Variants in UBAP2L observed in about 807,000 individuals in gnomAD.
UBAP2L encodes the protein ubiquitin-associated protein 2-like.
A neutral mutation model predicts 130.6 loss-of-function variants in UBAP2L; 12 were observed. The ratio of observed to expected loss-of-function variants is 0.09; its 90% CI spans 0.06 to 0.15. The LOEUF (loss-of-function observed/expected upper bound fraction) is 0.15. Among genes scored for constraint, UBAP2L ranks in the 10% least tolerant of loss-of-function variants. The probability of loss-of-function intolerance (pLI) is 1.00; values close to 1 mark genes in which losing one functional copy is unlikely to be tolerated. For missense variants in UBAP2L, 965 were observed against 1,332.5 expected, an observed-to-expected ratio of 0.72 and a Z score of 4.29; for synonymous variants, 503 against 524.7, an observed-to-expected ratio of 0.96 and a Z score of 0.57.
rs755332279 is a variant in UBAP2L, at chr1:154,253,883, C to G, written c.1665-17C>G. ...TCTATTTTGTTTCTCTGAGATTTTT[C>G]TCTTCGTTACTCACAGTGAATCATC... On this transcript the variant is annotated splice_polypyrimidine_tract_variant and intron_variant, in intron 14 of 26. Transcript: ENST00000428931. 6.2e-7 allele frequency: 1 copy of G among 1,612,346 alleles called. No homozygotes were observed. The highest frequency in any genetic ancestry group is 1.7e-5 in the Admixed American group (1 of 59,740).
intron 2 of UBAP2L, among the ~76,000 whole-genome samples, chr1:154,225,914 A>T (rs956433702): frequency 6.6e-6 from 1 of 152,196 alleles, no homozygotes; most frequent in African/African-American, 2.4e-5. Context: ...TCCAGGTTCA[A>T]GCAATTCTCC....
intron 4 of UBAP2L, among the ~76,000 whole-genome samples, chr1:154,232,160 C>T (rs1024266550): frequency 3.3e-5 from 5 of 152,208 alleles, no homozygotes; most frequent in Admixed American, 1.3e-4. Context: ...AACCCCATCT[C>T]TACTAAAAAT....
At chr1:154,258,655 G>T (rs2148986915) in intron 20 of UBAP2L, 1 of 200,186 alleles carries the variant, frequency 5.0e-6, no homozygotes, top group South Asian at 9.8e-5. Flanking sequence ...ATTTTGAAGA[G>T]TATAAGAGAC....
chr1:154,270,363 G>A lies in UBAP2L; in HGVS notation c.*68G>A, dbSNP rs748761320. 1.2e-6 allele frequency: 2 copies of A among 1,604,924 alleles called. No homozygotes were observed. The highest frequency in any genetic ancestry group is 1.3e-5 in the African/African-American group (1 of 74,720). On this transcript the variant is annotated 3_prime_UTR_variant, in exon 27 of 27. Coordinates refer to ENST00000428931, the MANE Select transcript of UBAP2L (RefSeq NM_014847.4). ...TCTCAGCCTGGAAACTATGGAAACA[G>A]CATCAAAGAGAAAGGAATGTGGGGG...
At chr1:154,261,968 G>A (rs962373907) in intron 24 of UBAP2L, among the ~76,000 whole-genome samples, 3 of 152,164 alleles carry the variant, frequency 2.0e-5, no homozygotes, top group African/African-American at 7.2e-5. Flanking sequence ...AAGTGTGGGT[G>A]GAAGTAGGGC....
intron 26 of UBAP2L, chr1:154,269,307 G>A: frequency 7.4e-7 from 1 of 1,352,756 alleles, no homozygotes; most frequent in Non-Finnish European, 9.9e-7. Context: ...TAATGGTGGA[G>A]TTCTATTGTC....
intron 1 of UBAP2L, among the ~76,000 whole-genome samples, chr1:154,223,984 CCT>C (rs780507627): frequency 6.6e-5 from 10 of 152,046 alleles, no homozygotes; most frequent in Non-Finnish European, 1.3e-4. Context: ...TGCAGAGTAA[CCT>C]ATTATTTTGA....
chr1:154,257,460 C>T (rs1227834354), intron 20 of UBAP2L, 26 bp downstream of exon 20: 2 of 1,610,798 alleles, frequency 1.2e-6, no homozygotes, highest in South Asian at 2.2e-5. Context: ...GGATCTTCTT[C>T]AAAAGGTGAG....
intron 4 of UBAP2L, among the ~76,000 whole-genome samples, chr1:154,232,247 C>G (rs1331356136): frequency 6.6e-6 from 1 of 151,660 alleles, no homozygotes; most frequent in Non-Finnish European, 1.5e-5. Context: ...TCACTTCAAC[C>G]TGGGAGGCGG....
chr1:154,223,022 C>A (rs1221842412), intron 1 of UBAP2L, among the ~76,000 whole-genome samples: 2 of 152,164 alleles, frequency 1.3e-5, no homozygotes, highest in Non-Finnish European at 2.9e-5. Context: ...AGTGTGATAG[C>A]TGGGAATGGG....
intron 24 of UBAP2L, among the ~76,000 whole-genome samples, chr1:154,264,326 C>T (rs1571964017): frequency 6.6e-6 from 1 of 152,100 alleles, no homozygotes; most frequent in Non-Finnish European, 1.5e-5. Flanking sequence ...ATTCATGTGT[C>T]TCTGCCCTGC....
chr1:154,252,556 C>T (rs992752028), intron 14 of UBAP2L, among the ~76,000 whole-genome samples: 23 of 152,068 alleles, frequency 1.5e-4, no homozygotes, highest in African/African-American at 5.5e-4. Flanking sequence ...ACTGGGATTA[C>T]AGTCATGAGG....
intron 24 of UBAP2L, 190 bp from the exon 25 acceptor site, chr1:154,266,311 G>T: frequency 1.5e-6 from 1 of 663,584 alleles, no homozygotes; most frequent in Non-Finnish European, 2.7e-6. Context: ...ACCTGGGAAG[G>T]GCCAAAGAAC....
intron 24 of UBAP2L, chr1:154,263,226 A>T (rs1682157308): frequency 3.4e-5 from 53 of 1,546,940 alleles, no homozygotes; most frequent in Non-Finnish European, 4.4e-5. Context: ...CAGAAACCAG[A>T]CCACTGAGGA....
chr1:154,271,037 G>A (rs1490931928), downstream of UBAP2L: 3 of 1,283,338 alleles, frequency 2.3e-6, no homozygotes, highest in African/African-American at 3.0e-5. Context: ...TTGTCCTTGA[G>A]GGGATTTCCT....
At chr1:154,265,676 G>A (rs1683035655) in intron 24 of UBAP2L, among the ~76,000 whole-genome samples, 1 of 152,062 alleles carries the variant, frequency 6.6e-6, no homozygotes, top group African/African-American at 2.4e-5. Context: ...TACTACTCTG[G>A]TTTCTTTAAA....
Position 154,246,392 on chromosome 1 carries a change from G to T in UBAP2L, c.1014+17G>T, listed in dbSNP as rs770665045. On this transcript the variant is annotated intron_variant, in intron 11 of 26. Transcript: ENST00000428931. ...CACAGTATGGTGAGTAGGAAACGTG[G>T]TTTATCCTAATCAAACCTTCCTGCT... The T allele has an allele frequency of 1.3e-5, 21 of 1,603,186 alleles. 1 individual carries two copies. In the South Asian group the frequency reaches 1.5e-4, roughly 12 times the overall value.
chr1:154,267,071 T>TGG (rs540995169), intron 25 of UBAP2L, among the ~76,000 whole-genome samples: 1 of 151,720 alleles, frequency 6.6e-6, no homozygotes, highest in Non-Finnish European at 1.5e-5. Context: ...ACTGGGGGTC[T>TGG]GGGGGGGCAC....
At chr1:154,259,184 T>C (rs1680660175) in intron 21 of UBAP2L, among the ~76,000 whole-genome samples, 154 bp downstream of exon 21, 1 of 151,976 alleles carries the variant, frequency 6.6e-6, no homozygotes, top group African/African-American at 2.4e-5. Flanking sequence ...GGGGAGGGTT[T>C]CCAACAGAAG....
Sources: gnomAD v4.1 joint callset for allele counts (sites outside exome capture counted in the v4.1 genomes callset) on GRCh38, gnomAD v4.1.1 for gene constraint, MANE v1.5 for transcripts, NCBI Gene and HGNC (gene_info 2026-07-23, HGNC 2026-07-21) for gene names.